Variants in PAK5 observed in about 807,000 individuals in gnomAD.
The protein encoded by PAK5 is p21 (RAC1) activated kinase 5, also known as serine/threonine-protein kinase PAK 5.
A neutral mutation model predicts 65.9 loss-of-function variants in PAK5; 16 were observed. The ratio of observed to expected loss-of-function variants is 0.24; its 90% CI spans 0.16 to 0.37. The LOEUF (loss-of-function observed/expected upper bound fraction) is 0.37, where lower values mean the gene tolerates loss of function less well. Ranked by LOEUF, PAK5 falls within the 10% of genes least tolerant of loss-of-function variation. The pLI is 1.00. For synonymous variants in PAK5, 371 were observed against 354.9 expected (o/e 1.05, Z -0.51); for missense variants, 785 against 903.9 (o/e 0.87, Z 1.69).
intron 1 of PAK5, among the ~76,000 whole-genome samples, chr20:9,788,046 G>A (rs971934087): frequency 6.6e-6 from 1 of 151,746 alleles, no homozygotes; most frequent in East Asian, 1.9e-4. Context: ...CTGTTGATAG[G>A]GGGAAAAAGC....
intron 3 of PAK5, among the ~76,000 whole-genome samples, chr20:9,623,102 C>T (rs1244855954): frequency 6.6e-6 from 1 of 152,104 alleles, no homozygotes; most frequent in East Asian, 1.9e-4. Flanking sequence ...TTCAAAGTCT[C>T]TGTGTCACAA....
intron 1 of PAK5, among the ~76,000 whole-genome samples, chr20:9,711,912 C>T (rs2048082000): frequency 6.6e-6 from 1 of 152,190 alleles, no homozygotes; most frequent in Non-Finnish European, 1.5e-5. Flanking sequence ...GGTTAGGTTT[C>T]CACAACTCTG....
At chr20:9,706,098 T>C (rs1435784011) in intron 2 of PAK5, among the ~76,000 whole-genome samples, 2 of 152,178 alleles carry the variant, frequency 1.3e-5, no homozygotes, top group Non-Finnish European at 2.9e-5. Context: ...CTCACATACA[T>C]ACTGCAGTGG....
rs117144826 is a variant in PAK5, at chr20:9,780,090, G to A, written c.-162+58672C>T. 3.3e-5 allele frequency among the ~76,000 whole-genome samples: 5 copies of A among 152,066 alleles called. No individual in the cohort carries two copies. The East Asian group carries it at 9.7e-4, about 29-fold the overall frequency. ...TTTTCTGCATGCTTTGGAGACTAGG[G>A]GTCCAAGGACCAAAAATAACTTTTC... On this transcript the variant is annotated intron_variant, in intron 1 of 9. Transcript: ENST00000353224.
intron 9 of PAK5, 87 bp from the exon 10 acceptor site, chr20:9,539,704 C>G: frequency 3.7e-6 from 4 of 1,085,124 alleles, no homozygotes; most frequent in Non-Finnish European, 5.5e-6. Context: ...ATCCTATCAA[C>G]AACTTCAAAT....
At chr20:9,786,965 G>A (rs2048999374) in intron 1 of PAK5, among the ~76,000 whole-genome samples, 3 of 152,072 alleles carry the variant, frequency 2.0e-5, no homozygotes, top group African/African-American at 7.2e-5. Flanking sequence ...TAGGCTAATA[G>A]GTACTTGCAA....
At chr20:9,717,500 GA>G (rs2048162841) in intron 1 of PAK5, among the ~76,000 whole-genome samples, 1 of 152,212 alleles carries the variant, frequency 6.6e-6, no homozygotes, top group South Asian at 2.1e-4. Context: ...TCAGTGACCT[GA>G]TATCTGCGAA....
At chr20:9,695,921 T>C (rs2047862881) in intron 2 of PAK5, among the ~76,000 whole-genome samples, 1 of 152,084 alleles carries the variant, frequency 6.6e-6, no homozygotes, top group Admixed American at 6.6e-5. Context: ...AGAAATGAAA[T>C]GTGAGTCATA....
intron 2 of PAK5, among the ~76,000 whole-genome samples, chr20:9,699,216 G>A (rs1416109652): frequency 6.6e-6 from 1 of 152,124 alleles, no homozygotes; most frequent in Non-Finnish European, 1.5e-5. Flanking sequence ...AATATTAGAG[G>A]TCTTTCTAGC....
chr20:9,701,828 G>A (rs901233072), intron 2 of PAK5, among the ~76,000 whole-genome samples: 3 of 151,784 alleles, frequency 2.0e-5, no homozygotes, highest in African/African-American at 4.8e-5. Context: ...GCAAGACCTC[G>A]TCTGTACTAA....
In PAK5 at chr20:9,538,943, G is replaced by A. The variant is rs2045212874; in HGVS notation, c.*519C>T. 4.3e-6 allele frequency: 1 copy of A among 233,076 alleles called. No individual in the cohort carries two copies. The highest frequency in any genetic ancestry group is 2.2e-5 in the African/African-American group (1 of 45,320). 14.4% of individuals were successfully genotyped at this position (233,076 alleles called of 1,614,324 possible). A position where few individuals can be genotyped will look rare whatever the true frequency, so the allele number is the denominator to read the frequency against. On this transcript the variant is annotated 3_prime_UTR_variant, in exon 10 of 10. Transcript: ENST00000353224. ...TTGTTCAAACTCCTCTAGTAAACAA[G>A]TATTACTTCAACTGATACAATGGCT...
chr20:9,546,028 T>C (rs1419702975), intron 7 of PAK5, among the ~76,000 whole-genome samples: 1 of 152,148 alleles, frequency 6.6e-6, no homozygotes, highest in Non-Finnish European at 1.5e-5. Flanking sequence ...ACCTCAATCA[T>C]AAGAAGTGAA....
intron 1 of PAK5, among the ~76,000 whole-genome samples, chr20:9,836,694 AAGGGAAT>A (rs1404735483): frequency 2.6e-5 from 4 of 152,196 alleles, no homozygotes; most frequent in Non-Finnish European, 5.9e-5. Context: ...TGGGAAATTT[AAGGGAAT>A]TAACATGTTT....
intron 1 of PAK5, among the ~76,000 whole-genome samples, chr20:9,802,690 T>C (rs2327228): frequency 0.55 from 82,271 of 150,806 alleles, 22,796 homozygotes; most frequent in African/African-American, 0.62. Context: ...TCTCAGGAAG[T>C]AGAGAAAAAC....
Position 9,537,447 on chromosome 20 carries a change from A to G in PAK5, c.*2015T>C, listed in dbSNP as rs1409600447. The G allele has an allele frequency of 9.6e-6, 2 of 208,908 alleles. No homozygotes were observed. The highest frequency in any genetic ancestry group is 5.9e-5 in the Admixed American group (1 of 16,880). The allele number at this position is 208,908 out of a possible 1,614,324, so 12.9% of individuals were successfully genotyped here. On this transcript the variant is annotated 3_prime_UTR_variant, in exon 10 of 10. Transcript: ENST00000353224. ...CAGTTTCTGCCAATAGTTAGTGCTCACAAAACCTTTTAAGCTACAGTAACT... is the reference window on the plus strand; with the variant it reads ...CAGTTTCTGCCAATAGTTAGTGCTCGCAAAACCTTTTAAGCTACAGTAACT...
chr20:9,545,000 C>G (rs559574790), intron 7 of PAK5, among the ~76,000 whole-genome samples: 1 of 152,220 alleles, frequency 6.6e-6, no homozygotes, highest in South Asian at 2.1e-4. Context: ...ATTGCAAGGC[C>G]TTTGCTTATC....
chr20:9,695,458 G>C (rs993178001), intron 2 of PAK5, among the ~76,000 whole-genome samples: 1 of 151,896 alleles, frequency 6.6e-6, no homozygotes, highest in African/African-American at 2.4e-5. Context: ...ACATTATCCT[G>C]CTTTTAGATT....
chr20:9,687,981 G>A (rs985770216), intron 2 of PAK5, among the ~76,000 whole-genome samples: 1 of 151,886 alleles, frequency 6.6e-6, no homozygotes, highest in African/African-American at 2.4e-5. Context: ...CTGGGTCCAG[G>A]AAGGCTCTGA....
intron 3 of PAK5, among the ~76,000 whole-genome samples, chr20:9,601,099 G>A (rs1568990931): frequency 6.6e-6 from 1 of 152,122 alleles, no homozygotes; most frequent in Non-Finnish European, 1.5e-5. Context: ...GTGAGATAGA[G>A]GTGTATATTG....
Sources: gnomAD v4.1 joint callset for allele counts (sites outside exome capture counted in the v4.1 genomes callset) on GRCh38, gnomAD v4.1.1 for gene constraint, MANE v1.5 for transcripts, NCBI Gene and HGNC (gene_info 2026-07-23, HGNC 2026-07-21) for gene names.